The following TLCD2 variants were observed in gnomAD, a reference collection of about 807,000 sequenced individuals.
TLCD2 encodes TLC domain containing 2.
A neutral mutation model predicts 14.0 loss-of-function variants in TLCD2; 12 were observed. The ratio of observed to expected loss-of-function variants is 0.86; its 90% confidence interval spans 0.55 to 1.39. The LOEUF (loss-of-function observed/expected upper bound fraction) is 1.39, where lower values mean the gene tolerates loss of function less well. Ranked by LOEUF, TLCD2 falls within the 40% of genes most tolerant of loss-of-function variation. The probability of loss-of-function intolerance (pLI) is 0.00; values close to 1 mark genes in which losing one functional copy is unlikely to be tolerated. For missense variants in TLCD2, 360 were observed against 346.8 expected (o/e 1.04, Z -0.30); for synonymous variants, 166 against 156.5 (o/e 1.06, Z -0.45).
chr17:1,709,945 C>T, intron 1 of TLCD2, 59 bp from the exon 2 acceptor site: 2 of 1,512,338 alleles, frequency 1.3e-6, no homozygotes, highest in Non-Finnish European at 8.9e-7. Context: ...AGGCCCCGGC[C>T]GCAGTCTCCC....
Position 1,709,590 on chromosome 17 carries a change from A to C in TLCD2, c.260-9T>G, listed in dbSNP as rs983203391. On this transcript the variant is annotated splice_polypyrimidine_tract_variant and intron_variant, in intron 2 of 3. Transcript: ENST00000330676. ...GTCTGCCAGGAAGTAACCTGTGGGC[A>C]TGGGGGTAGGGGTTAGGCTGCTCCA... is the stretch of plus-strand genomic sequence containing the variant. 6.5e-7 allele frequency: 1 copy of C among 1,536,952 alleles called. No homozygotes were observed. Among genetic ancestry groups the C allele is most frequent in the Non-Finnish European group, 8.7e-7 (1 of 1,146,746 alleles).
rs1913954760 is a variant in TLCD2, at chr17:1,704,049, A to G, written c.*3721T>C. 6.6e-6 allele frequency: 1 copy of G among 151,624 alleles called. No individual in the cohort carries two copies. The highest frequency in any genetic ancestry group is 1.5e-5 in the Non-Finnish European group (1 of 67,932). 9.4% of individuals were successfully genotyped at this position (151,624 alleles called of 1,614,324 possible). A position where few individuals can be genotyped will look rare whatever the true frequency, so the allele number is the denominator to read the frequency against. On this transcript the variant is annotated 3_prime_UTR_variant, in exon 4 of 4. Coordinates refer to ENST00000330676, the MANE Select transcript of TLCD2 (RefSeq NM_001164407.2). ...AGACCAGCCTGGCCAATATGGTGAA[A>G]TCCTGTCTCTACTAAAAACACAAAA...
At position 1,709,581 on chromosome 17, in the gene TLCD2, C is replaced by T. The variant is rs1035174136; in HGVS notation, c.260G>A (p.Gly87Asp). 2.6e-6 allele frequency: 4 copies of T among 1,536,962 alleles called. No homozygotes were observed. The African/African-American group carries it at 5.5e-5, about 21-fold the overall frequency. ...GTCAGCTCCGTCTGCCAGGAAGTAA[C>T]CTGTGGGCATGGGGGTAGGGGTTAG... ...WALVLVAVSVGYFLADGADLL... is the reference protein window; with the variant it reads ...WALVLVAVSVDYFLADGADLL... The change falls in exon 3 of 4, where the codon GGT (glycine) becomes GAT (aspartate). Residue 87 changes from glycine (G) to aspartate (D), a missense_variant and splice_region_variant. By Grantham distance (94) the Gly-to-Asp change is moderately conservative. Transcript: ENST00000330676.
In TLCD2 at chr17:1,709,622, G is replaced by C. The variant is rs748107606; in HGVS notation, c.260-41C>G. On this transcript the variant is annotated intron_variant, in intron 2 of 3. Coordinates refer to ENST00000330676, the MANE Select transcript of TLCD2 (RefSeq NM_001164407.2). ...TAGGGGTTAGGCTGCTCCAGAGCCC[G>C]GGCAGCTTAGAGAGGATTTCCAGCC... The C allele has an allele frequency of 1.3e-3, 2,027 of 1,508,912 alleles. 2 individuals carry two copies. The highest frequency in any genetic ancestry group is 5.6e-3 in the Middle Eastern group (33 of 5,892). 93.5% of individuals were successfully genotyped at this position (1,508,912 alleles called of 1,614,324 possible).
chr17:1,709,912 G>GT lies in TLCD2; in HGVS notation c.177-27_177-26insA, dbSNP rs1292426310. On this transcript the variant is annotated intron_variant, in intron 1 of 3. Transcript: ENST00000330676. ...CTGGGGGCATGGGGTGGGGACATGG[G>GT]GGGGGGCATGGTCAGCCTCTCGAGG... 4 of 1,520,736 alleles carry GT rather than the reference G, an allele frequency of 2.6e-6. No homozygotes were observed. The Admixed American group carries it at 5.9e-5, about 22-fold the overall frequency. The allele number at this position is 1,520,736 out of a possible 1,614,324, so 94.2% of individuals were successfully genotyped here.
In TLCD2 at chr17:1,710,298, C is replaced by A; in HGVS notation, c.-56G>T. On this transcript the variant is annotated 5_prime_UTR_variant, in exon 1 of 4. Coordinates refer to ENST00000330676, the MANE Select transcript of TLCD2 (RefSeq NM_001164407.2). The surrounding 1 kb of genome is among the most constrained non-coding windows in gnomAD (Gnocchi z 6.1). ...CGGGTCGGTCCCCTCGGCGCCCGCG[C>A]TCTCGGCCGGGACTGGGAACCCGTT... 7.2e-7 allele frequency: 1 copy of A among 1,398,088 alleles called. No individual in the cohort carries two copies. Among genetic ancestry groups the A allele is most frequent in the Non-Finnish European group, 9.3e-7 (1 of 1,078,472 alleles). 86.6% of individuals were successfully genotyped at this position (1,398,088 alleles called of 1,614,324 possible).
At chr17:1,709,684 C>T in intron 2 of TLCD2, 103 bp from the exon 3 acceptor site, 1 of 1,245,152 alleles carries the variant, frequency 8.0e-7, no homozygotes, top group Non-Finnish European at 1.1e-6. Flanking sequence ...TTAGTTTTCC[C>T]TTGGTAAAGC....
At chr17:1,708,279 CA>C (rs1243349596) in intron 3 of TLCD2, 57 bp from the exon 4 acceptor site, 2 of 1,360,452 alleles carry the variant, frequency 1.5e-6, no homozygotes, top group African/African-American at 2.9e-5. Context: ...CATCATGTCC[CA>C]ATAACCCAGG....
intron 2 of TLCD2, 84 bp from the exon 3 acceptor site, chr17:1,709,665 T>G: frequency 1.3e-6 from 1 of 783,996 alleles, no homozygotes; most frequent in Non-Finnish European, 1.9e-6. Context: ...CCCGCCCCTC[T>G]CCCAGTTCTT....
At chr17:1,709,775 C>G in intron 2 of TLCD2, 29 bp downstream of exon 2, 1 of 1,450,778 alleles carries the variant, frequency 6.9e-7, no homozygotes, top group Non-Finnish European at 9.3e-7. Context: ...CCATCCCCAC[C>G]ACCGGCCCAG....
At position 1,709,554 on chromosome 17, in the gene TLCD2, A is replaced by C; in HGVS notation, c.287T>G (p.Leu96Arg). 1 of 1,537,160 alleles carries C rather than the reference A, an allele frequency of 6.5e-7. No individual in the cohort carries two copies. Among genetic ancestry groups the C allele is most frequent in the South Asian group, 1.2e-5 (1 of 84,064 alleles). The change falls in exon 3 of 4, where the codon CTG becomes CGG. Residue 96 changes from leucine to arginine, a missense_variant. Leu to Arg is a moderately radical substitution (Grantham distance 102, BLOSUM62 -2). Transcript: ENST00000330676. ...VGYFLADGAD[L>R]LWNQTLGKTW... ...CTTGCCCAAGGTCTGGTTCCACAGCAGGTCAGCTCCGTCTGCCAGGAAGTA... is the reference window on the plus strand; with the variant it reads ...CTTGCCCAAGGTCTGGTTCCACAGCCGGTCAGCTCCGTCTGCCAGGAAGTA...
chr17:1,710,358 G>T lies in TLCD2; in HGVS notation c.-116C>A, dbSNP rs1470174602. 2.3e-6 allele frequency: 2 copies of T among 884,602 alleles called. No individual in the cohort carries two copies. Among genetic ancestry groups the T allele is most frequent in the Admixed American group, 7.3e-5 (2 of 27,320 alleles). 54.8% of individuals were successfully genotyped at this position (884,602 alleles called of 1,614,324 possible). On this transcript the variant is annotated 5_prime_UTR_variant, in exon 1 of 4. Transcript: ENST00000330676. This position sits in a 1 kb window ranked among gnomAD's most constrained non-coding sequence, Gnocchi z 6.1. ...GGCTGGGGCCCCGGCTCCCCTCCCC[G>T]CCGCGCCTTTGGGATCAGCAGGAAC...
intron 3 of TLCD2, 35 bp downstream of exon 3, chr17:1,709,464 C>T (rs778673653): frequency 1.3e-5 from 19 of 1,491,248 alleles, no homozygotes; most frequent in Non-Finnish European, 1.7e-5. Context: ...CTCCCCTCCT[C>T]CCTTCCTGTC....
Position 1,708,229 on chromosome 17 carries a change from G to A in TLCD2, c.343-7C>T, listed in dbSNP as rs1002097562. On this transcript the variant is annotated splice_polypyrimidine_tract_variant and splice_region_variant and intron_variant, in intron 3 of 3. Coordinates refer to ENST00000330676, the MANE Select transcript of TLCD2 (RefSeq NM_001164407.2). ...TGCTGAGGCAGCTCACCACCTGGGA[G>A]CCAGGGTCACAGGTCAGAGGAACCC... The A allele has an allele frequency of 8.3e-5, 126 of 1,514,774 alleles. No homozygotes were observed. Among genetic ancestry groups the A allele is most frequent in the Non-Finnish European group, 1.1e-4 (120 of 1,134,422 alleles). The allele number at this position is 1,514,774 out of a possible 1,614,324, so 93.8% of individuals were successfully genotyped here. A position where few individuals can be genotyped will look rare whatever the true frequency, so the allele number is the denominator to read the frequency against.
chr17:1,709,512 C>A lies in TLCD2; in HGVS notation c.329G>T (p.Cys110Phe). ...QTLGKTWDLL[C>F]HHLVVVSCLS... ...TCAGAGTCTCACCACCAAATGATGACAGAGAAGATCCCAGGTCTTGCCCAA... is the reference window on the plus strand; with the variant it reads ...TCAGAGTCTCACCACCAAATGATGAAAGAGAAGATCCCAGGTCTTGCCCAA... Residue 110 changes from cysteine (C) to phenylalanine (F), a missense_variant, in exon 3 of 4, where the codon TGT becomes TTT. Cys to Phe is a radical substitution (Grantham distance 205). Coordinates refer to ENST00000330676, the MANE Select transcript of TLCD2 (RefSeq NM_001164407.2). The A allele has an allele frequency of 6.5e-7, 1 of 1,535,988 alleles. No homozygotes were observed.
At position 1,709,807 on chromosome 17, in the gene TLCD2, CAG is replaced by C; in HGVS notation, c.254_255del (p.Ser85CysfsTer10). 1 of 1,528,400 alleles carries C rather than the reference CAG, an allele frequency of 6.5e-7. No homozygotes were observed. Among genetic ancestry groups the C allele is most frequent in the Non-Finnish European group, 8.8e-7 (1 of 1,140,222 alleles). The allele number at this position is 1,528,400 out of a possible 1,614,324, so 94.7% of individuals were successfully genotyped here. Reference sequence around the variant, plus strand: ...CCAGCCTTCCCTGCAGACTCACCCACAGACACAGCCACCAGCACCAGAGCCCA... The same window carrying C: ...CCAGCCTTCCCTGCAGACTCACCCACACACAGCCACCAGCACCAGAGCCCA... Reference protein sequence around the residue: ...PRWALVLVAVSVGYFLADGAD... With the variant: ...PRWALVLVAVXVGYFLADGAD... On this transcript the variant is annotated frameshift_variant, in exon 2 of 4. Coordinates refer to ENST00000330676, the MANE Select transcript of TLCD2 (RefSeq NM_001164407.2). LOFTEE classifies it high-confidence loss of function.
At chr17:1,709,367 G>T in intron 3 of TLCD2, 132 bp downstream of exon 3, 1 of 726,582 alleles carries the variant, frequency 1.4e-6, no homozygotes, top group Non-Finnish European at 2.2e-6. Flanking sequence ...CCCAGCCTGG[G>T]TGACAGAGTG....
At chr17:1,709,427 AGACT>A in intron 3 of TLCD2, 68 bp downstream of exon 3, 1 of 701,934 alleles carries the variant, frequency 1.4e-6, no homozygotes, top group Non-Finnish European at 2.4e-6. Context: ...GAATGAGGAG[AGACT>A]GGGAACCTCG....
rs1914074008 is a variant in TLCD2 at position 1,707,634 on chromosome 17, TG to T, written c.*135del. Reference sequence around the variant, plus strand: ...CTTAGATCCGAGGAAGGGGAAGGGATGTGAGTTAGCTGGAAGAGAAACTGAG... The same window carrying T: ...CTTAGATCCGAGGAAGGGGAAGGGATTGAGTTAGCTGGAAGAGAAACTGAG... On this transcript the variant is annotated 3_prime_UTR_variant, in exon 4 of 4. Coordinates refer to ENST00000330676, the MANE Select transcript of TLCD2 (RefSeq NM_001164407.2). The T allele has an allele frequency of 1.5e-6, 1 of 677,828 alleles. No homozygotes were observed. Among genetic ancestry groups the T allele is most frequent in the Non-Finnish European group, 2.3e-6 (1 of 427,352 alleles). 42.0% of individuals were successfully genotyped at this position (677,828 alleles called of 1,614,324 possible). A position where few individuals can be genotyped will look rare whatever the true frequency, so the allele number is the denominator to read the frequency against.
Sources: gnomAD v4.1 joint callset for allele counts on GRCh38, gnomAD v4.1.1 for gene constraint, Gnocchi (gnomAD v3.1) non-coding constraint, MANE v1.5 for transcripts, NCBI Gene and HGNC (gene_info 2026-07-23, HGNC 2026-07-21) for gene names.